CSGALNACT1: variants seen among roughly 807,000 people sequenced by gnomAD.
The protein encoded by CSGALNACT1 is beta4GalNAcT-1.
Under a neutral mutation model 51.0 loss-of-function variants are expected in CSGALNACT1, and 52 were observed. That is an observed-to-expected ratio of 1.02 (90% confidence interval 0.82 to 1.29). The LOEUF (loss-of-function observed/expected upper bound fraction) is 1.29. CSGALNACT1 is among the 50% of genes most tolerant of loss of function. The pLI is 0.00. For missense variants in CSGALNACT1, 935 were observed against 679.2 expected, an observed-to-expected ratio of 1.38 and a Z score of -4.19; for synonymous variants, 341 against 254.4, an observed-to-expected ratio of 1.34 and a Z score of -3.24.
chr8:19,574,189 AG>A (rs914798584), intron 3 of CSGALNACT1, among the ~76,000 whole-genome samples: 7 of 152,300 alleles, frequency 4.6e-5, no homozygotes, highest in Non-Finnish European at 1.0e-4. Flanking sequence ...TTGGAATTAC[AG>A]GCACAAGCCA....
intron 1 of CSGALNACT1, among the ~76,000 whole-genome samples, chr8:19,666,811 G>GAAAGAAAGAAAGAAAGAAAGAA (rs35734602): frequency 1.9e-4 from 5 of 26,412 alleles, no homozygotes; most frequent in East Asian, 6.9e-4. Flanking sequence ...AAGAAAGAAA[G>GAAAGAAAGAAAGAAAGAAAGAA]AGAGAGAGAG....
chr8:19,604,576 C>G (rs1416551370), upstream of CSGALNACT1, among the ~76,000 whole-genome samples: 1 of 152,076 alleles, frequency 6.6e-6, no homozygotes, highest in African/African-American at 2.4e-5. Flanking sequence ...CACACCTTCA[C>G]CTACAGGACT....
chr8:19,499,002 C>G (rs983022915), intron 4 of CSGALNACT1, among the ~76,000 whole-genome samples: 3 of 152,138 alleles, frequency 2.0e-5, no homozygotes, highest in Non-Finnish European at 4.4e-5. Flanking sequence ...TGTAGCCCAG[C>G]TGCTCCAAAA....
chr8:19,559,458 C>T (rs1343398567), intron 3 of CSGALNACT1, among the ~76,000 whole-genome samples: 1 of 152,098 alleles, frequency 6.6e-6, no homozygotes, highest in African/African-American at 2.4e-5. Context: ...CAACATTCAA[C>T]ATCAAATTAA....
chr8:19,593,951 G>A (rs1564187908), intron 2 of CSGALNACT1, among the ~76,000 whole-genome samples: 1 of 152,150 alleles, frequency 6.6e-6, no homozygotes, highest in Non-Finnish European at 1.5e-5. Flanking sequence ...GATGGAAGGA[G>A]AAGGACTGGA....
intron 3 of CSGALNACT1, among the ~76,000 whole-genome samples, chr8:19,557,037 G>C (rs2039616088): frequency 6.6e-6 from 1 of 150,446 alleles, no homozygotes; most frequent in African/African-American, 2.4e-5. Flanking sequence ...GAGAAGAAAA[G>C]CAAAATTCAA....
chr8:19,446,967 G>A (rs1332300687), intron 5 of CSGALNACT1, among the ~76,000 whole-genome samples: 1 of 152,162 alleles, frequency 6.6e-6, no homozygotes, highest in East Asian at 1.9e-4. Context: ...GGCTAATTAA[G>A]ATGTATTTCC....
intron 3 of CSGALNACT1, among the ~76,000 whole-genome samples, chr8:19,518,876 T>A (rs771367310): frequency 3.3e-5 from 5 of 152,182 alleles, no homozygotes; most frequent in Non-Finnish European, 7.4e-5. Context: ...AAGGCTAAGG[T>A]GGCTCCATTA....
chr8:19,667,088 AAAGAAAGAAAGG>A (rs1564387554), intron 1 of CSGALNACT1, among the ~76,000 whole-genome samples: 1,375 of 125,266 alleles, frequency 0.011, 266 homozygotes, highest in African/African-American at 0.027. Flanking sequence ...AGAAAGAAAG[AAAGAAAGAAAGG>A]GAAAGAAATC....
intron 2 of CSGALNACT1, among the ~76,000 whole-genome samples, chr8:19,597,907 A>G (rs2049312991): frequency 6.6e-6 from 1 of 152,208 alleles, no homozygotes; most frequent in Admixed American, 6.5e-5. Flanking sequence ...CTAACCAGTA[A>G]ATAATTATGA....
chr8:19,618,629 CAAAAAAAAAAAAAAA>C (rs60787326), intron 1 of CSGALNACT1, among the ~76,000 whole-genome samples: 2 of 64,034 alleles, frequency 3.1e-5, no homozygotes, highest in Non-Finnish European at 2.8e-5. Flanking sequence ...AATACTCCAT[CAAAAAAAAAAAAAAA>C]AAAAAAAAAA....
At chr8:19,429,438 A>T (rs2059315833) in intron 6 of CSGALNACT1, among the ~76,000 whole-genome samples, 1 of 141,460 alleles carries the variant, frequency 7.1e-6, no homozygotes, top group Admixed American at 7.4e-5. Flanking sequence ...CAGCCTCCCA[A>T]AAGGCTGGGA....
At chr8:19,474,176 C>T (rs1357923821) in intron 4 of CSGALNACT1, among the ~76,000 whole-genome samples, 1 of 152,054 alleles carries the variant, frequency 6.6e-6, no homozygotes, top group African/African-American at 2.4e-5. Context: ...ATAACAAAGC[C>T]TGGATTTCTT....
At chr8:19,567,156 T>C (rs759855205) in intron 3 of CSGALNACT1, among the ~76,000 whole-genome samples, 1 of 152,170 alleles carries the variant, frequency 6.6e-6, no homozygotes, top group African/African-American at 2.4e-5. Context: ...GACTCAAGCC[T>C]AGACCTGATG....
intron 1 of CSGALNACT1, among the ~76,000 whole-genome samples, chr8:19,713,372 T>C (rs191055234): frequency 1.3e-5 from 2 of 152,318 alleles, no homozygotes; most frequent in African/African-American, 2.4e-5. Context: ...TGGATTTCCC[T>C]AGAAGAAAAT....
intron 4 of CSGALNACT1, among the ~76,000 whole-genome samples, chr8:19,469,489 G>A (rs976835515): frequency 6.6e-6 from 1 of 152,220 alleles, no homozygotes; most frequent in Admixed American, 6.5e-5. Context: ...TTTCAGGGGT[G>A]TAAGACAGCC....
At chr8:19,654,224 T>C (rs967945866) in intron 1 of CSGALNACT1, among the ~76,000 whole-genome samples, 5 of 152,172 alleles carry the variant, frequency 3.3e-5, no homozygotes, top group Non-Finnish European at 5.9e-5. Flanking sequence ...AAATTCAAAA[T>C]AAACAACAGA....
At chr8:19,657,771 G>A (rs558222057) in intron 1 of CSGALNACT1, among the ~76,000 whole-genome samples, 5 of 152,268 alleles carry the variant, frequency 3.3e-5, no homozygotes, top group Non-Finnish European at 5.9e-5. Context: ...GAGGACAGAC[G>A]TAGCATGCGG....
intron 5 of CSGALNACT1, among the ~76,000 whole-genome samples, chr8:19,456,915 G>A (rs1471915582): frequency 6.6e-6 from 1 of 152,194 alleles, no homozygotes; most frequent in Non-Finnish European, 1.5e-5. Flanking sequence ...GAAAACTTAT[G>A]ATGTTTAAGA....
Sources: allele counts gnomAD v4.1 joint callset (sites outside exome capture counted in the v4.1 genomes callset), GRCh38; gene constraint gnomAD v4.1.1; transcripts MANE v1.5; gene names NCBI Gene and HGNC (gene_info 2026-07-23, HGNC 2026-07-21).